The following MDN1 variants were observed in gnomAD, a reference collection of about 807,000 sequenced individuals.
MDN1 encodes the protein midasin AAA ATPase 1, also known as midasin.
MDN1 carries 266 observed loss-of-function variants against 669.2 expected under a neutral mutation model. The ratio of observed to expected loss-of-function variants is 0.40; its 90% CI spans 0.36 to 0.44. MDN1 has a LOEUF of 0.44. Among genes scored for constraint, MDN1 ranks in the 20% least tolerant of loss-of-function variants. The probability of loss-of-function intolerance (pLI) is 1.00; values close to 1 mark genes in which losing one functional copy is unlikely to be tolerated. For synonymous variants in MDN1, 2,385 were observed against 2,457.1 expected, an observed-to-expected ratio of 0.97 and a Z score of 0.87; for missense variants, 5,940 against 6,754.0, an observed-to-expected ratio of 0.88 and a Z score of 4.22.
At chr6:89,680,553 G>GA in intron 74 of MDN1, 36 bp downstream of exon 74, 1 of 1,600,592 alleles carries the variant, frequency 6.2e-7, no homozygotes, top group Non-Finnish European at 8.5e-7. Flanking sequence ...GGGGAAAACA[G>GA]AAAGATCCAC....
intron 15 of MDN1, among the ~76,000 whole-genome samples, chr6:89,771,128 C>G (rs1317626141): frequency 6.6e-6 from 1 of 152,162 alleles, no homozygotes; most frequent in African/African-American, 2.4e-5. Flanking sequence ...CAACTCACAC[C>G]TTAAATCTTA....
chr6:89,782,013 A>G (rs1818699174), intron 9 of MDN1, among the ~76,000 whole-genome samples: 1 of 152,056 alleles, frequency 6.6e-6, no homozygotes, highest in South Asian at 2.1e-4. Flanking sequence ...AAATGAAAAG[A>G]AATTTTGTCA....
At chr6:89,699,969 C>CT in intron 57 of MDN1, 94 bp downstream of exon 57, 2 of 1,259,260 alleles carry the variant, frequency 1.6e-6, no homozygotes, top group Non-Finnish European at 2.2e-6. Context: ...GTAACCATCC[C>CT]TATCAAGTCT....
intron 61 of MDN1, among the ~76,000 whole-genome samples, chr6:89,694,389 T>A (rs923315335): frequency 2.0e-5 from 3 of 152,206 alleles, no homozygotes; most frequent in Admixed American, 6.5e-5. Flanking sequence ...CACCACTGAA[T>A]TTTTTAGTCT....
intron 54 of MDN1, 95 bp from the exon 55 acceptor site, chr6:89,701,773 T>C: frequency 6.6e-7 from 1 of 1,523,840 alleles, no homozygotes; most frequent in Non-Finnish European, 8.8e-7. Context: ...TTCTTTCTTT[T>C]AATTGTACAT....
chr6:89,650,227 GTTAACAAC>G, intron 96 of MDN1, 29 bp from the exon 97 acceptor site: 1 of 1,593,110 alleles, frequency 6.3e-7, no homozygotes, highest in Non-Finnish European at 8.6e-7. Context: ...GCAAAAATTA[GTTAACAAC>G]TTTTAATTCC....
intron 22 of MDN1, among the ~76,000 whole-genome samples, chr6:89,752,948 C>G (rs1469461349): frequency 6.6e-6 from 1 of 151,984 alleles, no homozygotes; most frequent in Non-Finnish European, 1.5e-5. Flanking sequence ...CATGATGGAA[C>G]CCAGTCCCTA....
intron 93 of MDN1, among the ~76,000 whole-genome samples, chr6:89,653,455 T>C (rs1267651812): frequency 2.0e-5 from 3 of 152,244 alleles, no homozygotes; most frequent in African/African-American, 4.8e-5. Flanking sequence ...TGAAACTATA[T>C]GCATGTAAAA....
At position 89,673,254 on chromosome 6, in the gene MDN1, T is replaced by C. The variant is rs1257821361; in HGVS notation, c.13456A>G (p.Thr4486Ala). The C allele has an allele frequency of 1.9e-6, 3 of 1,614,000 alleles. No individual in the cohort carries two copies. The South Asian group carries it at 3.3e-5, about 18-fold the overall frequency. Residue 4486 changes from threonine to alanine, a missense_variant, in exon 80 of 102, where the codon ACT (threonine) becomes GCT (alanine). By Grantham distance (58) the Thr-to-Ala change is moderately conservative. Around this residue, in one of 5 missense-constraint regions of MDN1, gnomAD observed 2,280 missense variants for 2,576.3 expected, o/e 0.88. Transcript: ENST00000369393. ...DFTTWKTHLL[T>A]SDSQGGNQML... is the part of the protein sequence containing the mutation. ...TCCTTACCTCCTTGGCTATCTGAAGTAAGCAGATGGGTCTTCCAGGTAGTA... is the reference window on the plus strand; with the variant it reads ...TCCTTACCTCCTTGGCTATCTGAAGCAAGCAGATGGGTCTTCCAGGTAGTA...
intron 20 of MDN1, among the ~76,000 whole-genome samples, chr6:89,754,973 G>T (rs1213654420): frequency 1.3e-5 from 2 of 152,028 alleles, no homozygotes; most frequent in African/African-American, 4.8e-5. Context: ...TGTGTAGAAA[G>T]AACCTATGTT....
At chr6:89,707,538 C>T in intron 51 of MDN1, 62 bp from the exon 52 acceptor site, 1 of 1,051,614 alleles carries the variant, frequency 9.5e-7, no homozygotes, top group Non-Finnish European at 1.5e-6. Context: ...TCAATCATAT[C>T]CTCTATTTGC....
rs780572875 is a variant in MDN1, at chr6:89,685,918, T to C, written c.11628A>G (p.Glu3876=). ...LLVSTLQAFI[E]GSSLGEFHVR... ...CATGGAACTCTCCCAGCGAGGATCC[T>C]TCAATAAATGCTTGTAATGTGCTGA... is the stretch of plus-strand genomic sequence containing the variant. Residue 3876 remains glutamate (E), a synonymous_variant, in exon 70 of 102, where the codon GAA becomes GAG. Transcript: ENST00000369393. The C allele has an allele frequency of 6.2e-7, 1 of 1,614,178 alleles. No individual in the cohort carries two copies. The highest frequency in any genetic ancestry group is 1.7e-5 in the Admixed American group (1 of 60,024).
In MDN1 at chr6:89,688,826, C is replaced by T. The variant is rs369699528; in HGVS notation, c.11024-18G>A. On this transcript the variant is annotated intron_variant, in intron 65 of 101. Coordinates refer to ENST00000369393, the MANE Select transcript of MDN1 (RefSeq NM_014611.3). Reference sequence around the variant, plus strand: ...TTCAACTCCTGTGAAGTTAACATCACGGTAAAGTCAGTGAATTCAGTAAGT... The same window carrying T: ...TTCAACTCCTGTGAAGTTAACATCATGGTAAAGTCAGTGAATTCAGTAAGT... 139 of 1,598,096 alleles carry T rather than the reference C, an allele frequency of 8.7e-5. No individual in the cohort carries two copies. Among genetic ancestry groups the T allele is most frequent in the Middle Eastern group, 8.2e-4 (5 of 6,070 alleles).
At chr6:89,706,450 T>C (rs1001798416) in intron 52 of MDN1, among the ~76,000 whole-genome samples, 52 of 152,188 alleles carry the variant, frequency 3.4e-4, no homozygotes, top group African/African-American at 1.2e-3. Context: ...CATAATGAGG[T>C]ATCTTGGGGA....
At chr6:89,650,880 G>A in intron 95 of MDN1, 33 bp from the exon 96 acceptor site, 1 of 1,571,854 alleles carries the variant, frequency 6.4e-7, no homozygotes, top group South Asian at 1.1e-5. Flanking sequence ...GTTACCCTCA[G>A]AATGTCAGAG....
At chr6:89,796,008 A>G (rs1405737636) in intron 2 of MDN1, among the ~76,000 whole-genome samples, 1 of 151,916 alleles carries the variant, frequency 6.6e-6, no homozygotes, top group African/African-American at 2.4e-5. Flanking sequence ...AACCAATGCC[A>G]TGGAAATAAA....
chr6:89,646,554 T>C lies in MDN1; in HGVS notation c.16445A>G (p.Gln5482Arg). 5 of 1,614,158 alleles carry C rather than the reference T, an allele frequency of 3.1e-6. No homozygotes were observed. The highest frequency in any genetic ancestry group is 4.2e-6 in the Non-Finnish European group (5 of 1,179,982). The change falls in exon 100 of 102, where the codon CAG becomes CGG. Residue 5482 changes from glutamine to arginine, a missense_variant. Around this residue, in one of 5 missense-constraint regions of MDN1, gnomAD observed 2,280 missense variants for 2,576.3 expected, o/e 0.88. Transcript: ENST00000369393. ...ATGCAGCTCACCTGAACTGATGTTCTGCGAGAGCTGCTGAGCAGCTGCAAA... is the reference window on the plus strand; with the variant it reads ...ATGCAGCTCACCTGAACTGATGTTCCGCGAGAGCTGCTGAGCAGCTGCAAA... ...NMFAAAQQLS[Q>R]NISSETAQLL... is the part of the protein sequence containing the mutation.
At chr6:89,762,570 A>C (rs781564870) in intron 15 of MDN1, 40 bp from the exon 16 acceptor site, 1 of 1,422,500 alleles carries the variant, frequency 7.0e-7, no homozygotes, top group East Asian at 2.3e-5. Context: ...CAAACTTCTG[A>C]AGTTAACAGA....
chr6:89,772,664 T>C lies in MDN1; in HGVS notation c.1992A>G (p.Ala664=), dbSNP rs116479004. 381 of 1,614,054 alleles carry C rather than the reference T, an allele frequency of 2.4e-4. 1 individual carries two copies. In the East Asian group the frequency reaches 8.3e-3, roughly 35 times the overall value. The change falls in exon 14 of 102, where the codon GCA becomes GCG. Residue 664 remains alanine, a synonymous_variant. Coordinates refer to ENST00000369393, the MANE Select transcript of MDN1 (RefSeq NM_014611.3). Reference sequence around the variant, plus strand: ...CAGGCTCCCCTTTGCTGACACACACTGCAAGCTGCTCGATGAGAACAGAGG... The same window carrying C: ...CAGGCTCCCCTTTGCTGACACACACCGCAAGCTGCTCGATGAGAACAGAGG... ...RPSSVLIEQL[A]VCVSKGEPVL... is the part of the protein sequence containing the mutation.
Sources: allele counts gnomAD v4.1 joint callset (sites outside exome capture counted in the v4.1 genomes callset), GRCh38; gene constraint gnomAD v4.1.1; regional missense constraint gnomAD v4.1.1; transcripts MANE v1.5; gene names NCBI Gene and HGNC (gene_info 2026-07-23, HGNC 2026-07-21).